KIAA1217: variants seen among roughly 807,000 people sequenced by gnomAD.
KIAA1217 encodes KIAA1217, also known as sickle tail protein homolog.
In KIAA1217, 88 loss-of-function variants were observed where a neutral mutation model predicts 163.9. The ratio of observed to expected loss-of-function variants is 0.54; its 90% confidence interval spans 0.45 to 0.64. The LOEUF is 0.64. Ranked by LOEUF, KIAA1217 falls within the 30% of genes least tolerant of loss-of-function variation. KIAA1217 has a pLI of 0.00. For missense variants in KIAA1217, 2,372 were observed against 2,475.0 expected, an observed-to-expected ratio of 0.96 and a Z score of 0.88; for synonymous variants, 903 against 923.1, an observed-to-expected ratio of 0.98 and a Z score of 0.39.
chr10:24,304,236 A>G (rs2041739213), intron 2 of KIAA1217, among the ~76,000 whole-genome samples: 1 of 140,210 alleles, frequency 7.1e-6, no homozygotes, highest in Non-Finnish European at 1.5e-5. Flanking sequence ...TGACCATAGT[A>G]CTTAAGAAAA....
At chr10:24,044,960 A>G (rs997992053) in intron 2 of KIAA1217, among the ~76,000 whole-genome samples, 1 of 152,086 alleles carries the variant, frequency 6.6e-6, no homozygotes, top group African/African-American at 2.4e-5. Context: ...AGAACTCCTG[A>G]ACAGGTATCT....
chr10:24,408,614 A>G (rs1179777247), intron 3 of KIAA1217, among the ~76,000 whole-genome samples: 2 of 152,206 alleles, frequency 1.3e-5, no homozygotes, highest in Non-Finnish European at 2.9e-5. Context: ...GCATCTTGGC[A>G]GCTTCTTTAA....
At chr10:24,487,371 C>T (rs1312988568) in intron 6 of KIAA1217, among the ~76,000 whole-genome samples, 6 of 152,260 alleles carry the variant, frequency 3.9e-5, no homozygotes, top group Non-Finnish European at 7.3e-5. Flanking sequence ...TGACTCTCAG[C>T]GCCCGTCATG....
At chr10:24,430,202 G>A (rs1056800143) in intron 3 of KIAA1217, among the ~76,000 whole-genome samples, 4 of 152,206 alleles carry the variant, frequency 2.6e-5, no homozygotes, top group African/African-American at 7.2e-5. Flanking sequence ...AGCATTCCTA[G>A]AGAGGACCCT....
At chr10:24,300,376 C>T (rs1169978074) in intron 2 of KIAA1217, among the ~76,000 whole-genome samples, 5 of 152,174 alleles carry the variant, frequency 3.3e-5, no homozygotes, top group Non-Finnish European at 4.4e-5. Flanking sequence ...TTTTCCTTCT[C>T]CTCTTCTGCA....
intron 1 of KIAA1217, among the ~76,000 whole-genome samples, chr10:23,987,046 C>A (rs1846000930): frequency 6.6e-6 from 1 of 152,040 alleles, no homozygotes; most frequent in Non-Finnish European, 1.5e-5. Flanking sequence ...AGAGTGAACC[C>A]ATCATCTGTT....
At position 24,309,338 on chromosome 10, in the gene KIAA1217, GCACGCGCGCGCGCACA is replaced by G. The variant is rs1402046723; in HGVS notation, c.355-71527_355-71512del. 4.4e-5 allele frequency among the ~76,000 whole-genome samples: 4 copies of G among 90,202 alleles called. No individual in the cohort carries two copies. In the South Asian group the frequency reaches 1.3e-3, roughly 30 times the overall value. The allele number at this position is 90,202 out of a possible 152,430, so 59.2% of individuals were successfully genotyped here. A position where few individuals can be genotyped will look rare whatever the true frequency, so the allele number is the denominator to read the frequency against. ...AGTAGACCATGACAAATAGGCGCGC[GCACGCGCGCGCGCACA>G]CACACACACACACACACACACACAC... On this transcript the variant is annotated intron_variant, in intron 2 of 20. Coordinates refer to ENST00000376454, the MANE Select transcript of KIAA1217 (RefSeq NM_019590.5).
rs558585449 is a variant in KIAA1217 at position 24,203,370 on chromosome 10, G to A, written c.-170-16256G>A. Among the ~76,000 whole-genome samples the A allele has an allele frequency of 5.3e-5, 8 of 152,056 alleles. No individual in the cohort carries two copies. The South Asian group carries it at 1.5e-3, about 28-fold the overall frequency. On this transcript the variant is annotated intron_variant, in intron 2 of 18. Transcript: ENST00000376462. Reference sequence around the variant, plus strand: ...ATTCATCAAGTATAACAGAGCAAAGGCTGAACAGGACCCTGGAGACGAGAA... The same window carrying A: ...ATTCATCAAGTATAACAGAGCAAAGACTGAACAGGACCCTGGAGACGAGAA...
chr10:23,854,752 C>T (rs1839557984), intron 1 of KIAA1217, among the ~76,000 whole-genome samples: 2 of 152,050 alleles, frequency 1.3e-5, no homozygotes, highest in Admixed American at 6.6e-5. Flanking sequence ...TGAATTGGTC[C>T]CTTTACCATT....
chr10:24,163,617 A>G (rs1437761528), intron 2 of KIAA1217, among the ~76,000 whole-genome samples: 2 of 152,206 alleles, frequency 1.3e-5, no homozygotes, highest in Non-Finnish European at 2.9e-5. Context: ...TCACAATAAC[A>G]TACTGTTATT....
intron 2 of KIAA1217, among the ~76,000 whole-genome samples, chr10:24,125,719 G>A (rs2063451541): frequency 6.6e-6 from 1 of 151,980 alleles, no homozygotes; most frequent in Admixed American, 6.6e-5. Context: ...AGTGAAAATT[G>A]AGTCCATTAG....
intron 1 of KIAA1217, among the ~76,000 whole-genome samples, chr10:23,826,277 A>G (rs1837896063): frequency 6.6e-6 from 1 of 152,254 alleles, no homozygotes; most frequent in Non-Finnish European, 1.5e-5. Context: ...TTGAAATTTT[A>G]TAACAGGTTT....
intron 3 of KIAA1217, among the ~76,000 whole-genome samples, chr10:24,396,744 T>C (rs140910773): frequency 6.6e-6 from 1 of 152,322 alleles, no homozygotes; most frequent in African/African-American, 2.4e-5. Flanking sequence ...AAGGCCACTA[T>C]GATCGGAATG....
chr10:23,834,165 A>G (rs1338356260), intron 1 of KIAA1217, among the ~76,000 whole-genome samples: 1 of 152,018 alleles, frequency 6.6e-6, no homozygotes, highest in Non-Finnish European at 1.5e-5. Flanking sequence ...CTTGCTTTTT[A>G]TTTTGTTTTA....
At chr10:24,408,175 C>A (rs1404041509) in intron 3 of KIAA1217, among the ~76,000 whole-genome samples, 1 of 152,166 alleles carries the variant, frequency 6.6e-6, no homozygotes, top group Admixed American at 6.5e-5. Context: ...ATAGGACCTA[C>A]TTCATAGTAT....
chr10:23,869,221 A>G (rs1295705361), intron 1 of KIAA1217, among the ~76,000 whole-genome samples: 1 of 145,216 alleles, frequency 6.9e-6, no homozygotes, highest in Non-Finnish European at 1.5e-5. Flanking sequence ...GTCTAGCAGC[A>G]GTATGGAAAA....
intron 1 of KIAA1217, among the ~76,000 whole-genome samples, chr10:23,926,506 C>T (rs1239082504): frequency 6.6e-6 from 1 of 152,114 alleles, no homozygotes; most frequent in African/African-American, 2.4e-5. Context: ...GAGTGGATCA[C>T]CTGAGGTCAG....
intron 5 of KIAA1217, among the ~76,000 whole-genome samples, chr10:24,471,486 C>A (rs1325802502): frequency 6.6e-6 from 1 of 150,402 alleles, no homozygotes; most frequent in Non-Finnish European, 1.5e-5. Context: ...TTTTTTTATT[C>A]TACTCCCTTG....
At chr10:24,449,250 C>T (rs1024767095) in intron 5 of KIAA1217, among the ~76,000 whole-genome samples, 1 of 152,116 alleles carries the variant, frequency 6.6e-6, no homozygotes, top group South Asian at 2.1e-4. Context: ...AATATATGCA[C>T]ATCTGATATG....
Sources: allele counts gnomAD v4.1 joint callset (sites outside exome capture counted in the v4.1 genomes callset), GRCh38; gene constraint gnomAD v4.1.1; transcripts MANE v1.5; gene names NCBI Gene and HGNC (gene_info 2026-07-23, HGNC 2026-07-21).